Variants in HDX observed in about 807,000 individuals in gnomAD.
HDX encodes chromosome X open reading frame 43.
Under a neutral mutation model 45.2 loss-of-function variants are expected in HDX, and 19 were observed. That is an observed-to-expected ratio of 0.42 (90% CI 0.29 to 0.62). The LOEUF is 0.62. Ranked by LOEUF, HDX falls within the 20% of genes least tolerant of loss-of-function variation. The pLI, the probability that HDX is intolerant of heterozygous loss-of-function variation, is 0.20. For synonymous variants in HDX, 188 were observed against 172.8 expected, an observed-to-expected ratio of 1.09 and a Z score of -0.69; for missense variants, 532 against 493.9, an observed-to-expected ratio of 1.08 and a Z score of -0.73.
chrX:84,347,499 G>T (rs1038607192), intron 6 of HDX, among the ~76,000 whole-genome samples: 8 of 111,172 alleles, frequency 7.2e-5, no homozygotes, highest in African/African-American at 2.6e-4. Context: ...TGTTCCTTTT[G>T]TACTGTTCAA....
At chrX:84,379,478 G>A (rs962900149) in intron 5 of HDX, among the ~76,000 whole-genome samples, 5 of 110,822 alleles carry the variant, frequency 4.5e-5, no homozygotes, top group African/African-American at 1.6e-4. Context: ...GACCATATGT[G>A]TAATCACAAA....
chrX:84,455,256 A>G (rs1014989855), intron 4 of HDX, among the ~76,000 whole-genome samples: 1 of 112,017 alleles, frequency 8.9e-6, no homozygotes, highest in Non-Finnish European at 1.9e-5. Context: ...ACAGACAGAA[A>G]TATGGGACCT....
intron 6 of HDX, among the ~76,000 whole-genome samples, chrX:84,360,783 T>C (rs1030352609): frequency 8.9e-6 from 1 of 112,396 alleles, no homozygotes; most frequent in Non-Finnish European, 1.9e-5. Context: ...TAGTCCATTA[T>C]ATGCATATAT....
intron 5 of HDX, among the ~76,000 whole-genome samples, chrX:84,425,616 C>T (rs940560261): frequency 9.0e-6 from 1 of 111,650 alleles, no homozygotes; most frequent in South Asian, 3.7e-4. Flanking sequence ...AAATGAAATA[C>T]TATTCAGTAA....
At position 84,407,716 on chromosome X, in the gene HDX, C is replaced by G. The variant is rs766784064; in HGVS notation, c.1305+32816G>C. ...CTCGCCAGCATCTGTTATATTTTGACTTTTTAATAGTAGCCATTCTGACTG... is the reference window on the plus strand; with the variant it reads ...CTCGCCAGCATCTGTTATATTTTGAGTTTTTAATAGTAGCCATTCTGACTG... On this transcript the variant is annotated intron_variant, in intron 5 of 10. Transcript: ENST00000373177. Among the ~76,000 whole-genome samples the G allele has an allele frequency of 4.5e-5, 5 of 111,661 alleles. No individual in the cohort carries two copies. In the South Asian group the frequency reaches 1.9e-3, roughly 42 times the overall value.
chrX:84,405,263 A>T (rs936642463), intron 5 of HDX, among the ~76,000 whole-genome samples: 6 of 110,532 alleles, frequency 5.4e-5, no homozygotes, highest in African/African-American at 2.0e-4. Context: ...TATTTTCTCT[A>T]AAGTCCTAAC....
intron 3 of HDX, 74 bp from the exon 4 acceptor site, chrX:84,469,649 C>T (rs1479835714): frequency 2.4e-6 from 2 of 849,425 alleles, no homozygotes; most frequent in Non-Finnish European, 3.2e-6. Context: ...TTACGTGGTA[C>T]ATTATATTTT....
chrX:84,445,421 A>AT (rs1042117036), intron 4 of HDX, among the ~76,000 whole-genome samples: 16 of 108,276 alleles, frequency 1.5e-4, no homozygotes, highest in Non-Finnish European at 2.3e-4. Context: ...GAGTTTCCTA[A>AT]TTTTTTTTTT....
chrX:84,419,231 T>C (rs1426422462), intron 5 of HDX, among the ~76,000 whole-genome samples: 4 of 110,740 alleles, frequency 3.6e-5, no homozygotes, highest in Non-Finnish European at 7.6e-5. Context: ...AGGCGGGTTC[T>C]TGGGGTCCAT....
At position 84,448,096 on chromosome X, in the gene HDX, G is replaced by A. The variant is rs2039911870; in HGVS notation, c.1252-7511C>T. ...CTCAGCTTCATCCATCCCAATGCCT[G>A]AGCACACTGTCAGTGCCTGTAGGTT... On this transcript the variant is annotated intron_variant, in intron 4 of 10. Transcript: ENST00000373177. 2.7e-5 allele frequency among the ~76,000 whole-genome samples: 3 copies of A among 111,716 alleles called. No homozygotes were observed. The Admixed American group carries it at 2.8e-4, about 11-fold the overall frequency.
At chrX:84,433,630 G>T (rs777037469) in intron 5 of HDX, among the ~76,000 whole-genome samples, 1 of 111,625 alleles carries the variant, frequency 9.0e-6, no homozygotes, top group South Asian at 3.7e-4. Flanking sequence ...GATGCCTCCT[G>T]CATTGTTCTT....
chrX:84,375,459 G>A (rs199634713), intron 5 of HDX, among the ~76,000 whole-genome samples: 3 of 111,675 alleles, frequency 2.7e-5, no homozygotes, highest in Non-Finnish European at 3.8e-5. Context: ...TGTTTATTGC[G>A]GCATTATTCA....
At chrX:84,483,280 C>T (rs918331904) in intron 2 of HDX, among the ~76,000 whole-genome samples, 4 of 112,217 alleles carry the variant, frequency 3.6e-5, no homozygotes, top group African/African-American at 1.3e-4. Flanking sequence ...TCCACATTGC[C>T]CTAGCAGAGG....
Position 84,321,768 on chromosome X carries a change from G to A in HDX, c.*121C>T, listed in dbSNP as rs774828887. On this transcript the variant is annotated 3_prime_UTR_variant, in exon 11 of 11. Transcript: ENST00000373177. ...ATCTTGTACATTCTTCACAGAATAC[G>A]TCCGTTTCAACAATGTGTTTTCCCA... 36 of 492,978 alleles carry A rather than the reference G, an allele frequency of 7.3e-5. No individual in the cohort carries two copies. The highest frequency in any genetic ancestry group is 5.0e-4 in the South Asian group (9 of 17,873). 40.6% of individuals were successfully genotyped at this position (492,978 alleles called of 1,213,427 possible).
At chrX:84,422,473 A>T (rs748668564) in intron 5 of HDX, among the ~76,000 whole-genome samples, 1 of 110,827 alleles carries the variant, frequency 9.0e-6, no homozygotes, top group East Asian at 2.8e-4. Flanking sequence ...AAGAGATCAA[A>T]TGCAAAATTA....
rs1282292991 is a variant in HDX, at chrX:84,486,003, TTTAA to T, written c.-1+2017_-1+2020del. Among the ~76,000 whole-genome samples, 19 of 111,897 alleles carry T rather than the reference TTTAA, an allele frequency of 1.7e-4. No individual in the cohort carries two copies. The East Asian group carries it at 5.4e-3, about 32-fold the overall frequency. ...TATTTAATCCAATATGACAATACGTTTTAATTAGTTTCTTTACACCACTTACATT... is the reference window on the plus strand; with the variant it reads ...TATTTAATCCAATATGACAATACGTTTTAGTTTCTTTACACCACTTACATT... On this transcript the variant is annotated intron_variant, in intron 2 of 10. Transcript: ENST00000373177.
intron 5 of HDX, among the ~76,000 whole-genome samples, chrX:84,422,457 A>G (rs1569332745): frequency 9.0e-6 from 1 of 110,759 alleles, no homozygotes; most frequent in Non-Finnish European, 1.9e-5. Context: ...AGAACTAGAA[A>G]AGCAGAAGAG....
intron 6 of HDX, among the ~76,000 whole-genome samples, chrX:84,351,405 C>G (rs1305410877): frequency 9.0e-6 from 1 of 110,737 alleles, no homozygotes; most frequent in Non-Finnish European, 1.9e-5. Context: ...GTGGGGGCAT[C>G]TAGCTGTTCC....
chrX:84,386,635 T>C (rs1277556902), intron 5 of HDX, among the ~76,000 whole-genome samples: 1 of 111,876 alleles, frequency 8.9e-6, no homozygotes, highest in Admixed American at 9.5e-5. Flanking sequence ...CTAATTTGTG[T>C]GCATGGAGTC....
Sources: gnomAD v4.1 joint callset for allele counts (sites outside exome capture counted in the v4.1 genomes callset) on GRCh38, gnomAD v4.1.1 for gene constraint, MANE v1.5 for transcripts, NCBI Gene and HGNC (gene_info 2026-07-23, HGNC 2026-07-21) for gene names.